CMYA5: variants seen among roughly 807,000 people sequenced by gnomAD.
The protein encoded by CMYA5 is cardiomyopathy-associated protein 5.
In CMYA5, 246 loss-of-function variants were observed where a neutral mutation model predicts 318.9. The ratio of observed to expected loss-of-function variants is 0.77; its 90% CI spans 0.70 to 0.86. CMYA5 has a LOEUF of 0.86. Ranked by LOEUF, CMYA5 falls within the 40% of genes least tolerant of loss-of-function variation. The pLI is 0.00. For synonymous variants in CMYA5, 1,641 were observed against 1,729.5 expected, an observed-to-expected ratio of 0.95 and a Z score of 1.27; for missense variants, 4,589 against 4,678.2, an observed-to-expected ratio of 0.98 and a Z score of 0.56.
At chr5:79,770,605 C>G (rs186844403) in intron 9 of CMYA5, among the ~76,000 whole-genome samples, 1 of 152,218 alleles carries the variant, frequency 6.6e-6, no homozygotes, top group Non-Finnish European at 1.5e-5. Flanking sequence ...TGCTCACCCT[C>G]CATGGGCTGC....
At position 79,736,151 on chromosome 5, in the gene CMYA5, CAG is replaced by C. The variant is rs1828060052; in HGVS notation, c.7388_7389del (p.Arg2463IlefsTer23). The C allele has an allele frequency of 1.9e-6, 3 of 1,613,658 alleles. No individual in the cohort carries two copies. Among genetic ancestry groups the C allele is most frequent in the African/African-American group, 2.7e-5 (2 of 75,004 alleles). On this transcript the variant is annotated frameshift_variant, in exon 2 of 13. Transcript: ENST00000446378. LOFTEE classifies it high-confidence loss of function. The part of the protein sequence containing the change: ...PTEKKDNLEN[R>X]SYTLAEKKVL... ...CTGAGAAGAAAGATAATTTGGAAAACAGATCATATACCTTGGCAGAAAAGAAG... is the reference window on the plus strand; with the variant it reads ...CTGAGAAGAAAGATAATTTGGAAAACATCATATACCTTGGCAGAAAAGAAG...
At position 79,733,472 on chromosome 5, in the gene CMYA5, A is replaced by G. The variant is rs746544772; in HGVS notation, c.4707A>G (p.Ser1569=). 3 of 1,613,966 alleles carry G rather than the reference A, an allele frequency of 1.9e-6. No individual in the cohort carries two copies. The South Asian group carries it at 3.3e-5, about 18-fold the overall frequency. ...GCAAAGATGAGGAAACAGCAAGTTC[A>G]TCTCCTGAGTTGGAAAATTTAGCAT... ...PKGKDEETAS[S]SPELENLASG... Residue 1569 remains serine (S), a synonymous_variant, in exon 2 of 13, where the codon TCA becomes TCG. Coordinates refer to ENST00000446378, the MANE Select transcript of CMYA5 (RefSeq NM_153610.5).
chr5:79,728,587 C>A (rs1331545281), intron 1 of CMYA5, among the ~76,000 whole-genome samples: 1 of 152,000 alleles, frequency 6.6e-6, no homozygotes, highest in Non-Finnish European at 1.5e-5. Context: ...ATGCTGGTGA[C>A]TAGAGTGGGC....
At position 79,730,570 on chromosome 5, in the gene CMYA5, A is replaced by G. The variant is rs753816970; in HGVS notation, c.1805A>G (p.Gln602Arg). ...SAFVSEYSVP[Q>R]DLNHELQEQE... ...TTTGTATCAGAGTATTCAGTACCAC[A>G]GGATTTGAACCATGAATTACAGGAG... The change falls in exon 2 of 13, where the codon CAG becomes CGG. Residue 602 changes from glutamine (Q) to arginine (R), a missense_variant. Physicochemically the swap from Gln to Arg is conservative, Grantham distance 43. Around this residue, in one of 3 missense-constraint regions of CMYA5, gnomAD observed 2,132 missense variants for 2,131.3 expected, o/e 1.00. Coordinates refer to ENST00000446378, the MANE Select transcript of CMYA5 (RefSeq NM_153610.5). 5.0e-6 allele frequency: 8 copies of G among 1,614,036 alleles called. No homozygotes were observed. Among genetic ancestry groups the G allele is most frequent in the Non-Finnish European group, 5.1e-6 (6 of 1,179,884 alleles).
At chr5:79,774,797 A>C (rs1828911208) in intron 9 of CMYA5, among the ~76,000 whole-genome samples, 1 of 152,236 alleles carries the variant, frequency 6.6e-6, no homozygotes, top group Non-Finnish European at 1.5e-5. Context: ...GGGTGTTTTC[A>C]GCTGGGGACA....
In CMYA5 at chr5:79,730,573, A is replaced by G. The variant is rs1827868809; in HGVS notation, c.1808A>G (p.Asp603Gly). The G allele has an allele frequency of 6.2e-7, 1 of 1,614,020 alleles. No individual in the cohort carries two copies. The highest frequency in any genetic ancestry group is 8.5e-7 in the Non-Finnish European group (1 of 1,179,886). The stretch of plus-strand genomic sequence containing the variant: ...GTATCAGAGTATTCAGTACCACAGG[A>G]TTTGAACCATGAATTACAGGAGCAA... ...AFVSEYSVPQDLNHELQEQEG... is the reference protein window; with the variant it reads ...AFVSEYSVPQGLNHELQEQEG... The change falls in exon 2 of 13, where the codon GAT becomes GGT. Residue 603 changes from aspartate (D) to glycine (G), a missense_variant. Asp to Gly is a moderately conservative substitution (Grantham distance 94). Around this residue, in one of 3 missense-constraint regions of CMYA5, gnomAD observed 2,132 missense variants for 2,131.3 expected, o/e 1.00. Coordinates refer to ENST00000446378, the MANE Select transcript of CMYA5 (RefSeq NM_153610.5).
chr5:79,734,748 G>A lies in CMYA5; in HGVS notation c.5983G>A (p.Val1995Ile). ...VKLAEEPKSLVLAGNVERNIA... is the reference protein window; with the variant it reads ...VKLAEEPKSLILAGNVERNIA... ...GCTGGCTGAAGAACCAAAGTCTTTA[G>A]TCCTAGCTGGAAATGTAGAGAGAAA... The change falls in exon 2 of 13, where the codon GTC becomes ATC. Residue 1995 changes from valine (V) to isoleucine (I), a missense_variant. Physicochemically the swap from Val to Ile is conservative, Grantham distance 29. Transcript: ENST00000446378. The A allele has an allele frequency of 1.2e-6, 2 of 1,613,828 alleles. No individual in the cohort carries two copies. The highest frequency in any genetic ancestry group is 1.3e-5 in the African/African-American group (1 of 75,044).
In CMYA5 at chr5:79,720,428, A is replaced by ATTTT. The variant is rs1159659122; in HGVS notation, c.150-8465_150-8462dup. Among the ~76,000 whole-genome samples, 379 of 44,712 alleles carry ATTTT rather than the reference A, an allele frequency of 8.5e-3. 7 individuals carry two copies. Among genetic ancestry groups the ATTTT allele is most frequent in the African/African-American group, 0.033 (355 of 10,770 alleles). The allele number at this position is 44,712 out of a possible 152,430, so 29.3% of individuals were successfully genotyped here. ...TAAGATAAAAATAACTGCCAATCTA[A>ATTTT]TTTTTTTTTTTTTTTTTTTTTTTTT... On this transcript the variant is annotated intron_variant, in intron 1 of 12. Coordinates refer to ENST00000446378, the MANE Select transcript of CMYA5 (RefSeq NM_153610.5).
rs770198731 is a variant in CMYA5, at chr5:79,729,489, C to G, written c.724C>G (p.Leu242Val). The G allele has an allele frequency of 6.8e-6, 11 of 1,609,908 alleles. No homozygotes were observed. The highest frequency in any genetic ancestry group is 9.3e-6 in the Non-Finnish European group (11 of 1,177,230). Residue 242 changes from leucine to valine, a missense_variant, in exon 2 of 13, where the codon CTA becomes GTA. By Grantham distance (32) the Leu-to-Val change is conservative (BLOSUM62 1). Transcript: ENST00000446378. ...TTCGGTTAAAGAAGAATTAATTCCT[C>G]TACAATTTTATGGAACATTGCCAAA... ...FNSVKEELIP[L>V]QFYGTLPKGY...
chr5:79,778,696 C>A (rs890016603), intron 9 of CMYA5, among the ~76,000 whole-genome samples: 1 of 150,678 alleles, frequency 6.6e-6, no homozygotes, highest in Non-Finnish European at 1.5e-5. Context: ...AATTTTTTAC[C>A]GTGCATATTT....
At chr5:79,743,661 A>G (rs1828263180) in intron 2 of CMYA5, among the ~76,000 whole-genome samples, 166 bp from the exon 3 acceptor site, 1 of 152,208 alleles carries the variant, frequency 6.6e-6, no homozygotes, top group Admixed American at 6.5e-5. Flanking sequence ...AGAATTATCT[A>G]TAGTCAGATG....
rs1828658048 is a variant in CMYA5, at chr5:79,761,855, A to G, written c.11305A>G (p.Ile3769Val). 1.2e-6 allele frequency: 2 copies of G among 1,613,720 alleles called. No individual in the cohort carries two copies. Among genetic ancestry groups the G allele is most frequent in the Non-Finnish European group, 1.7e-6 (2 of 1,179,770 alleles). ...ACTGACAGTGAAAGAAAGCTACTGC[A>G]TTTTTGAAGATCTGGAACCTGACCG... is the stretch of plus-strand genomic sequence containing the variant. ...YRLTVKESYC[I>V]FEDLEPDRCY... Residue 3769 changes from isoleucine to valine, a missense_variant, in exon 8 of 13, where the codon ATT becomes GTT. Coordinates refer to ENST00000446378, the MANE Select transcript of CMYA5 (RefSeq NM_153610.5).
chr5:79,759,318 CAG>C (rs1828599783), intron 7 of CMYA5, among the ~76,000 whole-genome samples: 1 of 152,196 alleles, frequency 6.6e-6, no homozygotes, highest in Non-Finnish European at 1.5e-5. Context: ...ATAGAGAGGA[CAG>C]TGTGCTCCAC....
intron 9 of CMYA5, among the ~76,000 whole-genome samples, chr5:79,763,958 T>C (rs1828703045): frequency 1.3e-5 from 2 of 152,182 alleles, no homozygotes; most frequent in African/African-American, 4.8e-5. Context: ...TAAACTACTT[T>C]GGTAGGATAT....
chr5:79,731,327 C>T lies in CMYA5; in HGVS notation c.2562C>T (p.His854=). Residue 854 remains histidine (H), a synonymous_variant, in exon 2 of 13, where the codon CAC becomes CAT. Coordinates refer to ENST00000446378, the MANE Select transcript of CMYA5 (RefSeq NM_153610.5). ...CAGATTTGGTTGTTGCATCTGAACA[C>T]TCTTTCCCACCACACACAACCGAGA... ...SSPDLVVASE[H]SFPPHTTEMT... is the part of the protein sequence containing the mutation. 1 of 1,613,978 alleles carries T rather than the reference C, an allele frequency of 6.2e-7. No individual in the cohort carries two copies. The highest frequency in any genetic ancestry group is 8.5e-7 in the Non-Finnish European group (1 of 1,179,890).
Position 79,729,077 on chromosome 5 carries a change from T to C in CMYA5, c.312T>C (p.Ser104=), listed in dbSNP as rs1827810914. The C allele has an allele frequency of 6.2e-7, 1 of 1,613,990 alleles. No homozygotes were observed. Among genetic ancestry groups the C allele is most frequent in the East Asian group, 2.2e-5 (1 of 44,878 alleles). ...GGGCTTCAGAAGAAAGTCAGACTTC[T>C]GGTGTGTGTAGTCGGGAAGGGTCAA... ...TPWASEESQT[S]GVCSREGSTV... Residue 104 remains serine (S), a synonymous_variant, in exon 2 of 13, where the codon TCT becomes TCC. Coordinates refer to ENST00000446378, the MANE Select transcript of CMYA5 (RefSeq NM_153610.5).
chr5:79,722,539 T>G (rs1827660992), intron 1 of CMYA5, among the ~76,000 whole-genome samples: 1 of 151,988 alleles, frequency 6.6e-6, no homozygotes, highest in African/African-American at 2.4e-5. Flanking sequence ...TTGGCTGGCA[T>G]GGCGGCGCAT....
At chr5:79,723,652 C>G (rs180762789) in intron 1 of CMYA5, among the ~76,000 whole-genome samples, 1 of 151,114 alleles carries the variant, frequency 6.6e-6, no homozygotes, top group African/African-American at 2.4e-5. Context: ...CTTGCAGGTA[C>G]GTGGGATGCT....
chr5:79,695,022 A>G (rs1009395339), intron 1 of CMYA5, among the ~76,000 whole-genome samples: 2 of 152,218 alleles, frequency 1.3e-5, no homozygotes, highest in African/African-American at 4.8e-5. Flanking sequence ...AGTTGGAATT[A>G]TTACTATTTT....
Sources: allele counts gnomAD v4.1 joint callset (sites outside exome capture counted in the v4.1 genomes callset), GRCh38; gene constraint gnomAD v4.1.1; regional missense constraint gnomAD v4.1.1; transcripts MANE v1.5; gene names NCBI Gene and HGNC (gene_info 2026-07-23, HGNC 2026-07-21).